The following TRPM7 variants were observed in gnomAD, a reference collection of about 807,000 sequenced individuals.
TRPM7 encodes LTRPC ion channel family member 7.
TRPM7 carries 134 observed loss-of-function variants against 229.7 expected under a neutral mutation model. The ratio of observed to expected loss-of-function variants is 0.58; its 90% CI spans 0.51 to 0.67. The LOEUF (loss-of-function observed/expected upper bound fraction) is 0.67, where lower values mean the gene tolerates loss of function less well. Ranked by LOEUF, TRPM7 falls within the 30% of genes least tolerant of loss-of-function variation. TRPM7 has a pLI of 0.00. For missense variants in TRPM7, 1,901 were observed against 2,210.0 expected, an observed-to-expected ratio of 0.86 and a Z score of 2.80; for synonymous variants, 699 against 715.2, an observed-to-expected ratio of 0.98 and a Z score of 0.36.
intron 11 of TRPM7, 140 bp downstream of exon 11, chr15:50,628,009 T>C: frequency 1.6e-6 from 1 of 628,380 alleles, no homozygotes; most frequent in Non-Finnish European, 2.8e-6. Context: ...TGGATCGGAA[T>C]GGTGTAGAAA....
intron 1 of TRPM7, among the ~76,000 whole-genome samples, chr15:50,678,026 T>A (rs1596351393): frequency 6.7e-6 from 1 of 150,228 alleles, no homozygotes; most frequent in Admixed American, 6.6e-5. Flanking sequence ...GATCACGAGG[T>A]CAGGAGATTG....
chr15:50,609,136 GATAA>G (rs754802330), intron 19 of TRPM7, among the ~76,000 whole-genome samples: 1 of 152,178 alleles, frequency 6.6e-6, no homozygotes, highest in Non-Finnish European at 1.5e-5. Context: ...ATAAGCCACA[GATAA>G]ATAAAACCAT....
At chr15:50,591,618 T>A (rs1034900485) in intron 26 of TRPM7, among the ~76,000 whole-genome samples, 5 of 151,956 alleles carry the variant, frequency 3.3e-5, no homozygotes, top group Non-Finnish European at 5.9e-5. Context: ...TGCCTCAGCC[T>A]CCTGAGTAGC....
chr15:50,682,303 C>T (rs1212628069), intron 1 of TRPM7, among the ~76,000 whole-genome samples: 5 of 151,374 alleles, frequency 3.3e-5, no homozygotes, highest in South Asian at 4.2e-4. Context: ...AAAACCCCTA[C>T]GTGGACAGAA....
At position 50,566,804 on chromosome 15, in the gene TRPM7, A is replaced by G. The variant is rs565501593; in HGVS notation, c.5467+3083T>C. Among the ~76,000 whole-genome samples, 3 of 152,324 alleles carry G rather than the reference A, an allele frequency of 2.0e-5. No individual in the cohort carries two copies. In the East Asian group the frequency reaches 5.8e-4, roughly 29 times the overall value. Reference sequence around the variant, plus strand: ...AAAGCGAGTATAAACATGGAAAAATAAAAAGAATAAATCAAATAAATTGAA... The same window carrying G: ...AAAGCGAGTATAAACATGGAAAAATGAAAAGAATAAATCAAATAAATTGAA... On this transcript the variant is annotated intron_variant, in intron 38 of 38. Transcript: ENST00000646667.
intron 1 of TRPM7, among the ~76,000 whole-genome samples, chr15:50,685,902 TC>T (rs1244553528): frequency 1.3e-5 from 2 of 151,716 alleles, no homozygotes; most frequent in African/African-American, 2.4e-5. Context: ...CACAGAAGCC[TC>T]CCCCCACCCA....
chr15:50,579,228 A>G (rs75884640), intron 30 of TRPM7, among the ~76,000 whole-genome samples: 2,116 of 152,290 alleles, frequency 0.014, 47 homozygotes, highest in African/African-American at 0.049. Flanking sequence ...ACACACAGGT[A>G]GAGTGGAAAA....
rs770198043 is a variant in TRPM7 at position 50,607,302 on chromosome 15, A to C, written c.2607T>G (p.Leu869=). The C allele has an allele frequency of 1.9e-6, 3 of 1,590,978 alleles. No individual in the cohort carries two copies. The highest frequency in any genetic ancestry group is 1.8e-5 in the Admixed American group (1 of 55,536). Residue 869 remains leucine, a synonymous_variant, in exon 20 of 39, where the codon CTT becomes CTG. Coordinates refer to ENST00000646667, the MANE Select transcript of TRPM7 (RefSeq NM_017672.6). The part of the protein sequence containing the change: ...NTLAYLGFLM[L]YTFVVLVQME... ...TTTGTACAAGAACCACAAATGTATA[A>C]AGCATCAGAAATCCTAAATATGCCA...
chr15:50,635,909 G>A (rs1350316836), intron 7 of TRPM7, among the ~76,000 whole-genome samples: 1 of 151,708 alleles, frequency 6.6e-6, no homozygotes, highest in Non-Finnish European at 1.5e-5. Flanking sequence ...AACCCAGGAG[G>A]CAGAGGTTGC....
rs1292899601 is a variant in TRPM7, at chr15:50,599,294, C to G, written c.2991G>C (p.Val997=). Residue 997 remains valine, a splice_region_variant and synonymous_variant, in exon 22 of 39, where the codon GTG becomes GTC. Transcript: ENST00000646667. ...GPYVMMIGKM[V]ANMFYIVVIM... The stretch of plus-strand genomic sequence containing the variant: ...TCACTACAATGTAGAACATATTGGC[C>G]ACCTGTTAAAAAATGAACACTGTTA... 3 of 1,591,712 alleles carry G rather than the reference C, an allele frequency of 1.9e-6. No homozygotes were observed. In the African/African-American group the frequency reaches 4.1e-5, roughly 22 times the overall value.
chr15:50,634,599 G>A (rs1362198938), intron 7 of TRPM7, 43 bp from the exon 8 acceptor site: 1 of 1,310,622 alleles, frequency 7.6e-7, no homozygotes. Flanking sequence ...TTCATCCCAA[G>A]CAAGTTTCTC....
In TRPM7 at chr15:50,614,222, T is replaced by C; in HGVS notation, c.1536A>G (p.Ile512Met). 1 of 1,611,464 alleles carries C rather than the reference T, an allele frequency of 6.2e-7. No individual in the cohort carries two copies. The highest frequency in any genetic ancestry group is 2.2e-5 in the East Asian group (1 of 44,852). The change falls in exon 14 of 39, where the codon ATA (isoleucine) becomes ATG (methionine). Residue 512 changes from isoleucine (I) to methionine (M), a missense_variant. Ile to Met is a conservative substitution (Grantham distance 10). Transcript: ENST00000646667. The part of the protein sequence containing the change: ...PPGYKITLID[I>M]GLVIEYLMGG... ...CCATGAGATATTCAATAACAAGTCC[T>C]ATATCAATCAGAGTGATCTTATATC...
chr15:50,562,045 C>A (rs758225674), intron 38 of TRPM7, among the ~76,000 whole-genome samples: 3 of 152,068 alleles, frequency 2.0e-5, no homozygotes, highest in Non-Finnish European at 4.4e-5. Flanking sequence ...CAGGCATGCA[C>A]CACCATGCCC....
At chr15:50,637,307 T>A in intron 7 of TRPM7, 115 bp downstream of exon 7, 3 of 945,524 alleles carry the variant, frequency 3.2e-6, no homozygotes, top group Non-Finnish European at 4.7e-6. Flanking sequence ...TTGTTTCATA[T>A]GTTATCTTGC....
chr15:50,580,497 G>T (rs1401657685), intron 30 of TRPM7, among the ~76,000 whole-genome samples: 2 of 152,138 alleles, frequency 1.3e-5, no homozygotes, highest in African/African-American at 4.8e-5. Flanking sequence ...CAGATGCAAG[G>T]TTTTGACTAG....
intron 29 of TRPM7, 149 bp from the exon 30 acceptor site, chr15:50,581,057 T>A: frequency 1.6e-6 from 1 of 637,386 alleles, no homozygotes; most frequent in Non-Finnish European, 2.5e-6. Context: ...ACAATAAATT[T>A]ATTTATTATA....
At chr15:50,618,406 T>C (rs2060289599) in intron 13 of TRPM7, among the ~76,000 whole-genome samples, 1 of 151,860 alleles carries the variant, frequency 6.6e-6, no homozygotes, top group Non-Finnish European at 1.5e-5. Flanking sequence ...CCGTCTCTAC[T>C]AAAAATACAA....
At chr15:50,654,896 G>A (rs548354835) in intron 3 of TRPM7, among the ~76,000 whole-genome samples, 25 of 149,678 alleles carry the variant, frequency 1.7e-4, no homozygotes, top group African/African-American at 6.1e-4. Context: ...AGCTACTCGG[G>A]AGGCTGAGGC....
chr15:50,610,961 A>G, intron 17 of TRPM7, 132 bp downstream of exon 17: 1 of 682,722 alleles, frequency 1.5e-6, no homozygotes, highest in Non-Finnish European at 2.4e-6. Context: ...AATGCCAATC[A>G]TCCATCTTGC....
Sources: allele counts gnomAD v4.1 joint callset (sites outside exome capture counted in the v4.1 genomes callset), GRCh38; gene constraint gnomAD v4.1.1; transcripts MANE v1.5; gene names NCBI Gene and HGNC (gene_info 2026-07-23, HGNC 2026-07-21).